MMP17: variants seen among roughly 807,000 people sequenced by gnomAD.
MMP17 encodes the protein matrix metalloproteinase-17.
Under a neutral mutation model 49.1 loss-of-function variants are expected in MMP17, and 54 were observed. The observed-to-expected ratio is 1.10, with a 90% CI of 0.88 to 1.38. MMP17 has a LOEUF of 1.38. MMP17 is among the 40% of genes most tolerant of loss of function. The pLI, the probability that MMP17 is intolerant of heterozygous loss-of-function variation, is 0.00. For synonymous variants in MMP17, 397 were observed against 383.1 expected (o/e 1.04, Z -0.42); for missense variants, 837 against 853.7 (o/e 0.98, Z 0.24).
chr12:131,845,366 T>G lies in MMP17; in HGVS notation c.1121T>G (p.Phe374Cys). The G allele has an allele frequency of 1.3e-6, 2 of 1,599,372 alleles. No homozygotes were observed. The highest frequency in any genetic ancestry group is 1.7e-6 in the Non-Finnish European group (2 of 1,174,522). Reference sequence around the variant, plus strand: ...CTGCAGCCGGCACAGATGCACCGCTTCTGGCGGGGCCTGCCGCTGCACCTG... The same window carrying G: ...CTGCAGCCGGCACAGATGCACCGCTGCTGGCGGGGCCTGCCGCTGCACCTG... ...VSLQPAQMHRFWRGLPLHLDS... is the reference protein window; with the variant it reads ...VSLQPAQMHRCWRGLPLHLDS... Residue 374 changes from phenylalanine (F) to cysteine (C), a missense_variant, in exon 8 of 10, where the codon TTC (phenylalanine) becomes TGC (cysteine). Transcript: ENST00000360564.
rs375239248 is a variant in MMP17 at position 131,847,349 on chromosome 12, T to C, written c.1204+1900T>C. On this transcript the variant is annotated intron_variant, in intron 8 of 9. Coordinates refer to ENST00000360564, the MANE Select transcript of MMP17 (RefSeq NM_016155.7). ...AATGGCGTGAACCTGGGAGGCGGAG[T>C]TTGCAGTGAGGTGAGATCACACCAC... 1.1e-3 allele frequency among the ~76,000 whole-genome samples: 158 copies of C among 148,196 alleles called. 1 individual carries two copies. The East Asian group carries it at 0.012, about 11-fold the overall frequency.
chr12:131,840,355 G>T (rs913823576), intron 3 of MMP17: 2 of 530,522 alleles, frequency 3.8e-6, no homozygotes, highest in African/African-American at 3.8e-5. Context: ...GTCTCAGCCT[G>T]CCTGGGCTCT....
At chr12:131,839,820 T>C (rs1426466504) in intron 3 of MMP17, among the ~76,000 whole-genome samples, 2 of 152,136 alleles carry the variant, frequency 1.3e-5, no homozygotes, top group East Asian at 1.9e-4. Flanking sequence ...TGGTGATGTG[T>C]GCCTGTAATC....
At chr12:131,849,035 G>A (rs1225086074) in intron 8 of MMP17, among the ~76,000 whole-genome samples, 4 of 152,278 alleles carry the variant, frequency 2.6e-5, no homozygotes, top group Middle Eastern at 3.4e-3. Context: ...CCCCGGCAGC[G>A]CCCGGCTCTG....
At chr12:131,850,659 C>G (rs955435187) in intron 9 of MMP17, among the ~76,000 whole-genome samples, 4 of 152,202 alleles carry the variant, frequency 2.6e-5, no homozygotes, top group East Asian at 3.8e-4. Context: ...TGTGACCATG[C>G]CTGCAGAGCT....
intron 5 of MMP17, among the ~76,000 whole-genome samples, chr12:131,842,543 G>C (rs1887469267): frequency 1.3e-5 from 2 of 152,298 alleles, no homozygotes; most frequent in South Asian, 4.1e-4. Flanking sequence ...GGAGGCTGAG[G>C]CGGGTGGATC....
intron 1 of MMP17, among the ~76,000 whole-genome samples, chr12:131,836,776 T>C (rs1187611228): frequency 2.6e-5 from 4 of 152,154 alleles, no homozygotes; most frequent in African/African-American, 9.7e-5. Flanking sequence ...TGTGGTTCCC[T>C]GGGCTGGCGA....
At chr12:131,835,114 G>A (rs1887014235) in intron 1 of MMP17, among the ~76,000 whole-genome samples, 2 of 152,112 alleles carry the variant, frequency 1.3e-5, no homozygotes, top group Non-Finnish European at 2.9e-5. Flanking sequence ...CCCCCAAGAC[G>A]GCCCCTCCCA....
intron 4 of MMP17, 139 bp downstream of exon 4, chr12:131,840,995 C>A: frequency 8.9e-7 from 1 of 1,127,784 alleles, no homozygotes; most frequent in Non-Finnish European, 1.2e-6. Context: ...GGGCATTTCC[C>A]ACTAGGCCGA....
chr12:131,838,639 C>G lies in MMP17; in HGVS notation c.320C>G (p.Thr107Ser), dbSNP rs775584001. ...LDEATLALMKTPRCSLPDLPV... is the reference protein window; with the variant it reads ...LDEATLALMKSPRCSLPDLPV... Reference sequence around the variant, plus strand: ...GAGGCCACCCTGGCCCTGATGAAAACCCCACGCTGCTCCCTGCCAGACCTC... The same window carrying G: ...GAGGCCACCCTGGCCCTGATGAAAAGCCCACGCTGCTCCCTGCCAGACCTC... Residue 107 changes from threonine (T) to serine (S), a missense_variant, in exon 3 of 10, where the codon ACC becomes AGC. Thr to Ser is a moderately conservative substitution (Grantham distance 58). Transcript: ENST00000360564. The G allele has an allele frequency of 1.9e-5, 31 of 1,611,216 alleles. No homozygotes were observed. The East Asian group carries it at 6.5e-4, about 34-fold the overall frequency.
chr12:131,838,378 G>T, intron 2 of MMP17, 51 bp downstream of exon 2: 1 of 1,594,026 alleles, frequency 6.3e-7, no homozygotes, highest in Non-Finnish European at 8.5e-7. Flanking sequence ...TCAGGTCTGC[G>T]CCCGTCGGCC....
intron 9 of MMP17, 115 bp from the exon 10 acceptor site, chr12:131,850,810 C>T (rs1461484220): frequency 1.2e-5 from 9 of 749,000 alleles, no homozygotes; most frequent in Non-Finnish European, 1.8e-5. Flanking sequence ...TCTGGCCCGA[C>T]TCGAGCCCCT....
intron 1 of MMP17, among the ~76,000 whole-genome samples, chr12:131,829,756 G>A (rs1886698798): frequency 6.6e-6 from 1 of 152,232 alleles, no homozygotes; most frequent in Non-Finnish European, 1.5e-5. Flanking sequence ...CCACTTGGGT[G>A]GCACCCGCAG....
intron 5 of MMP17, 95 bp downstream of exon 5, chr12:131,841,895 C>G: frequency 7.4e-7 from 1 of 1,357,908 alleles, no homozygotes; most frequent in Admixed American, 2.3e-5. Context: ...AGGGTTTGCT[C>G]TCCCCGCTGT....
Position 131,847,167 on chromosome 12 carries a change from T to C in MMP17, c.1204+1718T>C, listed in dbSNP as rs367894959. Reference sequence around the variant, plus strand: ...GTGGCTCACGCCTGCAATCCCAGCATTTTGGGAGGCCGAGGCGGGCAGATT... The same window carrying C: ...GTGGCTCACGCCTGCAATCCCAGCACTTTGGGAGGCCGAGGCGGGCAGATT... On this transcript the variant is annotated intron_variant, in intron 8 of 9. Transcript: ENST00000360564. 2.1e-3 allele frequency among the ~76,000 whole-genome samples: 313 copies of C among 149,232 alleles called. 2 individuals carry two copies. Among genetic ancestry groups the C allele is most frequent in the South Asian group, 7.6e-3 (36 of 4,740 alleles).
In MMP17 at chr12:131,849,834, G is replaced by T. The variant is rs142421137; in HGVS notation, c.1237G>T (p.Val413Leu). The change falls in exon 9 of 10, where the codon GTA becomes TTA. Residue 413 changes from valine to leucine, a missense_variant. By Grantham distance (32) the Val-to-Leu change is conservative (BLOSUM62 1). Coordinates refer to ENST00000360564, the MANE Select transcript of MMP17 (RefSeq NM_016155.7). ...GTACTGGGTGTTCAAGGACAATAACGTAGAGGAAGGATACCCGCGCCCCGT... is the reference window on the plus strand; with the variant it reads ...GTACTGGGTGTTCAAGGACAATAACTTAGAGGAAGGATACCCGCGCCCCGT... ...DRYWVFKDNN[V>L]EEGYPRPVSD... is the part of the protein sequence containing the mutation. 4 of 1,613,784 alleles carry T rather than the reference G, an allele frequency of 2.5e-6. No homozygotes were observed. The highest frequency in any genetic ancestry group is 3.4e-6 in the Non-Finnish European group (4 of 1,179,982).
At chr12:131,842,805 G>A (rs1593232631) in intron 5 of MMP17, among the ~76,000 whole-genome samples, 1 of 151,906 alleles carries the variant, frequency 6.6e-6, no homozygotes, top group East Asian at 1.9e-4. Context: ...ACAATTTCAA[G>A]GTGTGTACTT....
intron 4 of MMP17, among the ~76,000 whole-genome samples, 199 bp downstream of exon 4, chr12:131,841,055 G>A (rs1887381836): frequency 6.6e-6 from 1 of 152,268 alleles, no homozygotes; most frequent in Non-Finnish European, 1.5e-5. Flanking sequence ...GTGCTGGCCT[G>A]TCGGGCAGGG....
At chr12:131,841,874 G>GC (rs1271277572) in intron 5 of MMP17, 74 bp downstream of exon 5, 24 of 1,447,468 alleles carry the variant, frequency 1.7e-5, no homozygotes, top group Non-Finnish European at 1.9e-5. Context: ...CCTGAGCAGA[G>GC]CCCCCCCGGG....
Sources: gnomAD v4.1 joint callset for allele counts (sites outside exome capture counted in the v4.1 genomes callset) on GRCh38, gnomAD v4.1.1 for gene constraint, MANE v1.5 for transcripts, NCBI Gene and HGNC (gene_info 2026-07-23, HGNC 2026-07-21) for gene names.